Variants in LSAMP observed in about 807,000 individuals in gnomAD.
LSAMP encodes the protein limbic system-associated membrane protein.
In LSAMP, 7 loss-of-function variants were observed where a neutral mutation model predicts 38.6. That is an observed-to-expected ratio of 0.18 (90% CI 0.10 to 0.34). LSAMP has a LOEUF of 0.34. Ranked by LOEUF, LSAMP falls within the 10% of genes least tolerant of loss-of-function variation. LSAMP has a pLI of 1.00. For missense variants in LSAMP, 313 were observed against 420.0 expected (o/e 0.75, Z 2.23); for synonymous variants, 154 against 166.8 (o/e 0.92, Z 0.59).
At chr3:116,256,869 A>G (rs1190683207) in intron 1 of LSAMP, among the ~76,000 whole-genome samples, 1 of 152,138 alleles carries the variant, frequency 6.6e-6, no homozygotes, top group African/African-American at 2.4e-5. Flanking sequence ...TGAGTGGCAA[A>G]AGCTATTGTT....
chr3:116,175,298 A>G (rs896279745), intron 1 of LSAMP, among the ~76,000 whole-genome samples: 1 of 152,088 alleles, frequency 6.6e-6, no homozygotes, highest in Non-Finnish European at 1.5e-5. Context: ...ATAGTTGTAC[A>G]TATTTATGTT....
chr3:115,841,733 T>C (rs1411274826), intron 6 of LSAMP, 112 bp downstream of exon 6: 2 of 1,303,906 alleles, frequency 1.5e-6, no homozygotes, highest in Non-Finnish European at 2.1e-6. Flanking sequence ...AGTGCATATA[T>C]CCTTATTTGT....
At chr3:116,235,028 A>G (rs2107632220) in intron 1 of LSAMP, among the ~76,000 whole-genome samples, 1 of 69,026 alleles carries the variant, frequency 1.4e-5, no homozygotes, top group South Asian at 7.6e-4. Context: ...TTATATTTCC[A>G]CAGAAAAAAT....
chr3:115,910,902 A>T (rs1279131095), intron 3 of LSAMP, among the ~76,000 whole-genome samples: 1 of 152,214 alleles, frequency 6.6e-6, no homozygotes, highest in African/African-American at 2.4e-5. Context: ...CTCAATGTTC[A>T]ATAGTAGAGT....
intron 1 of LSAMP, among the ~76,000 whole-genome samples, chr3:116,131,363 T>A (rs550587416): frequency 6.6e-6 from 1 of 152,250 alleles, no homozygotes; most frequent in East Asian, 1.9e-4. Flanking sequence ...GGGATGGTAC[T>A]CAGGCCTGAG....
At chr3:116,387,861 A>C (rs2048644659) in intron 1 of LSAMP, among the ~76,000 whole-genome samples, 1 of 152,058 alleles carries the variant, frequency 6.6e-6, no homozygotes. Context: ...TGGGAGGCTG[A>C]GGCGGGTGGA....
intron 1 of LSAMP, among the ~76,000 whole-genome samples, chr3:116,138,618 T>C (rs891518387): frequency 6.6e-6 from 1 of 152,002 alleles, no homozygotes; most frequent in East Asian, 1.9e-4. Flanking sequence ...GCGCTGTGGG[T>C]TCCAGTCTGG....
At position 115,839,257 on chromosome 3, in the gene LSAMP, CTTT is replaced by C. The variant is rs1484682863; in HGVS notation, c.919+2585_919+2587del. 2.4e-3 allele frequency among the ~76,000 whole-genome samples: 232 copies of C among 94,820 alleles called. 2 individuals are homozygous for C. Among genetic ancestry groups the C allele is most frequent in the Middle Eastern group, 4.3e-3 (1 of 230 alleles). The allele number at this position is 94,820 out of a possible 152,430, so 62.2% of individuals were successfully genotyped here. ...TCCTTCTTTCCTTCCTTCCTTCCTT[CTTT>C]CTTTCCTTCCTTCCTTCCTTCCTTC... On this transcript the variant is annotated intron_variant, in intron 6 of 6. Transcript: ENST00000490035.
In LSAMP at chr3:116,282,489, C is replaced by A. The variant is rs147124610; in HGVS notation, c.155+162388G>T. On this transcript the variant is annotated intron_variant, in intron 1 of 6. Transcript: ENST00000490035. ...CTTTGAAGCATCTCCTTGTGAAACA[C>A]GTAGTTGTGATATACCTTTCTTAAA... Among the ~76,000 whole-genome samples, 780 of 152,210 alleles carry A rather than the reference C, an allele frequency of 5.1e-3. 2 individuals carry two copies. The highest frequency in any genetic ancestry group is 8.9e-3 in the Non-Finnish European group (608 of 68,002).
intron 1 of LSAMP, among the ~76,000 whole-genome samples, chr3:116,375,708 G>C (rs2048485986): frequency 6.6e-6 from 1 of 151,712 alleles, no homozygotes; most frequent in Admixed American, 6.6e-5. Flanking sequence ...TACAGTTGAG[G>C]ATCATAAAAA....
intron 3 of LSAMP, among the ~76,000 whole-genome samples, chr3:115,961,468 C>G (rs993744057): frequency 6.6e-6 from 1 of 152,134 alleles, no homozygotes; most frequent in Non-Finnish European, 1.5e-5. Flanking sequence ...TGTTTTTTTC[C>G]CCTCTTAGAC....
intron 3 of LSAMP, among the ~76,000 whole-genome samples, chr3:115,918,913 A>T (rs1054764248): frequency 1.3e-5 from 2 of 152,110 alleles, no homozygotes; most frequent in East Asian, 3.9e-4. Flanking sequence ...TAACAATCCT[A>T]TGAAATAGAG....
At chr3:116,379,965 A>G (rs2048536492) in intron 1 of LSAMP, among the ~76,000 whole-genome samples, 1 of 152,050 alleles carries the variant, frequency 6.6e-6, no homozygotes, top group South Asian at 2.1e-4. Context: ...GGGCTTTCCT[A>G]TGTTTAAAAT....
In LSAMP at chr3:116,308,944, A is replaced by C. The variant is rs147621652; in HGVS notation, c.155+135933T>G. On this transcript the variant is annotated intron_variant, in intron 1 of 6. Coordinates refer to ENST00000490035, the MANE Select transcript of LSAMP (RefSeq NM_002338.5). Reference sequence around the variant, plus strand: ...CACATTTAGTAACATACATTTTACAAATTTACAGTAGCCTATAATTCTTCG... The same window carrying C: ...CACATTTAGTAACATACATTTTACACATTTACAGTAGCCTATAATTCTTCG... 9.9e-3 allele frequency among the ~76,000 whole-genome samples: 1,500 copies of C among 152,238 alleles called. 19 individuals are homozygous for C. Among genetic ancestry groups the C allele is most frequent in the Middle Eastern group, 0.031 (9 of 294 alleles).
chr3:116,382,510 C>T (rs1471174822), intron 1 of LSAMP, among the ~76,000 whole-genome samples: 4 of 90,584 alleles, frequency 4.4e-5, no homozygotes, highest in East Asian at 2.9e-4. Flanking sequence ...GTCATGGGGT[C>T]GGGGGAGGGG....
At chr3:116,037,990 G>T (rs1017144422) in intron 2 of LSAMP, among the ~76,000 whole-genome samples, 3 of 151,972 alleles carry the variant, frequency 2.0e-5, no homozygotes, top group Non-Finnish European at 4.4e-5. Context: ...AGAGGCCAGG[G>T]ATCTAGAATA....
chr3:115,910,614 G>A (rs1253067612), intron 3 of LSAMP, among the ~76,000 whole-genome samples: 1 of 152,094 alleles, frequency 6.6e-6, no homozygotes, highest in Admixed American at 6.5e-5. Flanking sequence ...CATATATTGA[G>A]CTTGATATAG....
At chr3:116,075,122 G>C (rs1707708141) in intron 2 of LSAMP, among the ~76,000 whole-genome samples, 1 of 144,464 alleles carries the variant, frequency 6.9e-6, no homozygotes, top group African/African-American at 2.6e-5. Context: ...ACAGGTATGA[G>C]TCACTGCACC....
chr3:116,189,030 C>T (rs1013233761), intron 1 of LSAMP, among the ~76,000 whole-genome samples: 43 of 152,194 alleles, frequency 2.8e-4, no homozygotes, highest in African/African-American at 9.4e-4. Flanking sequence ...GCTGGAAACA[C>T]GATAATAAAG....
Sources: gnomAD v4.1 joint callset for allele counts (sites outside exome capture counted in the v4.1 genomes callset) on GRCh38, gnomAD v4.1.1 for gene constraint, MANE v1.5 for transcripts, NCBI Gene and HGNC (gene_info 2026-07-23, HGNC 2026-07-21) for gene names.